The following RALYL variants were observed in gnomAD, a reference collection of about 807,000 sequenced individuals.
RALYL encodes RNA-binding Raly-like protein.
A neutral mutation model predicts 35.1 loss-of-function variants in RALYL; 29 were observed. The ratio of observed to expected loss-of-function variants is 0.83; its 90% CI spans 0.61 to 1.13. The LOEUF (loss-of-function observed/expected upper bound fraction) is 1.13, where lower values mean the gene tolerates loss of function less well. RALYL is among the 50% of genes most tolerant of loss of function. The probability of loss-of-function intolerance (pLI) is 0.00; values close to 1 mark genes in which losing one functional copy is unlikely to be tolerated. For synonymous variants in RALYL, 120 were observed against 127.6 expected (o/e 0.94, Z 0.40); for missense variants, 359 against 360.4 (o/e 1.00, Z 0.03).
chr8:84,672,386 A>T (rs953888999), intron 2 of RALYL, among the ~76,000 whole-genome samples: 2 of 152,166 alleles, frequency 1.3e-5, no homozygotes, highest in Admixed American at 6.6e-5. Flanking sequence ...GGAAGTTCCA[A>T]ACTTTCCCAC....
chr8:84,671,247 T>G (rs1265811640), intron 2 of RALYL, among the ~76,000 whole-genome samples: 1 of 152,122 alleles, frequency 6.6e-6, no homozygotes, highest in Non-Finnish European at 1.5e-5. Flanking sequence ...CTCTGTGGCT[T>G]TGCGGGATAC....
chr8:84,824,665 C>T (rs899001435), intron 4 of RALYL, among the ~76,000 whole-genome samples: 10 of 152,020 alleles, frequency 6.6e-5, no homozygotes, highest in Non-Finnish European at 1.3e-4. Context: ...CAAAAACAGA[C>T]AATAGACCCA....
chr8:84,414,017 G>A (rs2044365810), intron 1 of RALYL, among the ~76,000 whole-genome samples: 1 of 151,892 alleles, frequency 6.6e-6, no homozygotes, highest in South Asian at 2.1e-4. Context: ...ACTTTTTGTT[G>A]AAATCAAGGA....
At chr8:84,756,234 G>A (rs147240787) in intron 2 of RALYL, among the ~76,000 whole-genome samples, 12 of 152,104 alleles carry the variant, frequency 7.9e-5, no homozygotes, top group African/African-American at 2.4e-4. Flanking sequence ...TCCAGATGCC[G>A]AATTTCTAAG....
intron 1 of RALYL, among the ~76,000 whole-genome samples, chr8:84,454,125 A>T (rs2049851250): frequency 6.6e-6 from 1 of 151,964 alleles, no homozygotes; most frequent in African/African-American, 2.4e-5. Flanking sequence ...ATATACTGTG[A>T]TGTGGGGTGT....
At chr8:84,282,814 T>A (rs1836862215) in intron 1 of RALYL, among the ~76,000 whole-genome samples, 1 of 151,568 alleles carries the variant, frequency 6.6e-6, no homozygotes, top group Non-Finnish European at 1.5e-5. Context: ...TAAAATCAGT[T>A]GAGTATATAT....
intron 2 of RALYL, among the ~76,000 whole-genome samples, chr8:84,691,060 A>G (rs114846654): frequency 2.1e-3 from 321 of 152,244 alleles, no homozygotes; most frequent in African/African-American, 7.2e-3. Flanking sequence ...ATTTTATAGT[A>G]ATAACATTTT....
intron 2 of RALYL, among the ~76,000 whole-genome samples, chr8:84,738,069 C>G (rs1847641281): frequency 1.3e-5 from 2 of 151,922 alleles, no homozygotes. Context: ...AACTTACAAC[C>G]AAATAAAAGA....
intron 2 of RALYL, among the ~76,000 whole-genome samples, chr8:84,571,811 T>A (rs1168004100): frequency 6.6e-6 from 1 of 151,852 alleles, no homozygotes; most frequent in African/African-American, 2.4e-5. Flanking sequence ...TTATAGTTTG[T>A]CTATTTTCAT....
At chr8:84,850,087 A>G (rs1428743566) in intron 5 of RALYL, 60 bp downstream of exon 5, 2 of 957,198 alleles carry the variant, frequency 2.1e-6, no homozygotes, top group East Asian at 5.9e-5. Flanking sequence ...ACCATTTTGT[A>G]CATTTTATTC....
intron 2 of RALYL, among the ~76,000 whole-genome samples, chr8:84,594,401 AT>A (rs1813999515): frequency 1.3e-5 from 2 of 152,076 alleles, no homozygotes; most frequent in African/African-American, 4.8e-5. Flanking sequence ...TTCTTTTTTG[AT>A]CCAAAGTGAG....
intron 1 of RALYL, among the ~76,000 whole-genome samples, chr8:84,381,159 A>T (rs1857912767): frequency 6.6e-6 from 1 of 151,982 alleles, no homozygotes; most frequent in Non-Finnish European, 1.5e-5. Context: ...CCCCAACGAC[A>T]GCCACGACCC....
chr8:84,721,431 A>G (rs1426461479), intron 2 of RALYL, among the ~76,000 whole-genome samples: 6 of 152,162 alleles, frequency 3.9e-5, no homozygotes, highest in African/African-American at 1.2e-4. Context: ...GCATATGCAC[A>G]ATGTAATAGT....
At chr8:84,701,477 C>T (rs1250212783) in intron 2 of RALYL, among the ~76,000 whole-genome samples, 1 of 152,154 alleles carries the variant, frequency 6.6e-6, no homozygotes, top group African/African-American at 2.4e-5. Flanking sequence ...ACTCTATATA[C>T]AGTGTCTTGA....
At chr8:84,458,221 T>C (rs2050357323) in intron 1 of RALYL, among the ~76,000 whole-genome samples, 1 of 151,820 alleles carries the variant, frequency 6.6e-6, no homozygotes, top group African/African-American at 2.4e-5. Context: ...CAATTGATGG[T>C]TTGCTATTTA....
intron 1 of RALYL, among the ~76,000 whole-genome samples, chr8:84,324,093 T>C (rs1207448508): frequency 6.6e-6 from 1 of 152,068 alleles, no homozygotes; most frequent in Non-Finnish European, 1.5e-5. Flanking sequence ...GTGTGTGGGC[T>C]GTGAATAATA....
intron 4 of RALYL, among the ~76,000 whole-genome samples, chr8:84,835,038 T>G (rs903428521): frequency 6.6e-6 from 1 of 152,154 alleles, no homozygotes; most frequent in South Asian, 2.1e-4. Flanking sequence ...AACAAAGAGA[T>G]GGATCATAGT....
rs11994360 is a variant in RALYL at position 84,839,045 on chromosome 8, C to T, written c.366-10935C>T. ...AGTCTACAGCTCCCAGCATGAGCAA[C>T]GCAGAACATGGGTGATTTCTGCATT... is the stretch of plus-strand genomic sequence containing the variant. On this transcript the variant is annotated intron_variant, in intron 4 of 8. Coordinates refer to ENST00000521268, the MANE Select transcript of RALYL (RefSeq NM_173848.7). 6.3e-3 allele frequency among the ~76,000 whole-genome samples: 961 copies of T among 152,292 alleles called. 9 individuals carry two copies. Among genetic ancestry groups the T allele is most frequent in the African/African-American group, 0.022 (901 of 41,568 alleles).
At chr8:84,633,205 G>T (rs1456576112) in intron 2 of RALYL, among the ~76,000 whole-genome samples, 1 of 151,476 alleles carries the variant, frequency 6.6e-6, no homozygotes, top group Non-Finnish European at 1.5e-5. Flanking sequence ...TTTTCCAGTG[G>T]TATACTATGT....
Sources: gnomAD v4.1 joint callset for allele counts (sites outside exome capture counted in the v4.1 genomes callset) on GRCh38, gnomAD v4.1.1 for gene constraint, MANE v1.5 for transcripts, NCBI Gene and HGNC (gene_info 2026-07-23, HGNC 2026-07-21) for gene names.